Variants in PLPP1 observed in about 807,000 individuals in gnomAD.
PLPP1 encodes phospholipid phosphatase 1.
PLPP1 carries 24 observed loss-of-function variants against 31.2 expected under a neutral mutation model. That is an observed-to-expected ratio of 0.77 (90% CI 0.56 to 1.08). PLPP1 has a LOEUF of 1.08. PLPP1 is among the 50% of genes least tolerant of loss of function. The pLI, the probability that PLPP1 is intolerant of heterozygous loss-of-function variation, is 0.00. For missense variants in PLPP1, 319 were observed against 342.7 expected (o/e 0.93, Z 0.55); for synonymous variants, 146 against 126.3 (o/e 1.16, Z -1.05).
At chr5:55,463,141 A>G (rs1232298349) in intron 3 of PLPP1, among the ~76,000 whole-genome samples, 7 of 152,086 alleles carry the variant, frequency 4.6e-5, no homozygotes, top group African/African-American at 1.4e-4. Flanking sequence ...CAATGAGAAC[A>G]CATGGACAGA....
At chr5:55,458,887 CAAAAAAAAAA>C (rs529067608) in intron 3 of PLPP1, among the ~76,000 whole-genome samples, 41 of 21,110 alleles carry the variant, frequency 1.9e-3, no homozygotes, top group East Asian at 2.3e-3. Flanking sequence ...ACCCTGTCTC[CAAAAAAAAAA>C]AAAAAAAAAA....
At chr5:55,448,824 A>G (rs760917936) in intron 3 of PLPP1, among the ~76,000 whole-genome samples, 1 of 152,158 alleles carries the variant, frequency 6.6e-6, no homozygotes, top group African/African-American at 2.4e-5. Flanking sequence ...TTCCAAGGAT[A>G]CCAAAATCCA....
Position 55,445,216 on chromosome 5 carries a change from T to G in PLPP1, c.492-3308A>C, listed in dbSNP as rs532865142. Among the ~76,000 whole-genome samples, 10 of 152,232 alleles carry G rather than the reference T, an allele frequency of 6.6e-5. No individual in the cohort carries two copies. In the South Asian group the frequency reaches 2.1e-3, roughly 32 times the overall value. On this transcript the variant is annotated intron_variant, in intron 3 of 5. Transcript: ENST00000307259. Reference sequence around the variant, plus strand: ...ATCCGCCTGCCCCCATGCATGTGAGTTCCCTCCTCGACTGAGCATTCTTCT... The same window carrying G: ...ATCCGCCTGCCCCCATGCATGTGAGGTCCCTCCTCGACTGAGCATTCTTCT...
Position 55,534,883 on chromosome 5 carries a change from G to C in PLPP1, c.-254C>G. The C allele has an allele frequency of 4.1e-6, 2 of 490,932 alleles. No individual in the cohort carries two copies. Among genetic ancestry groups the C allele is most frequent in the Middle Eastern group, 5.3e-4 (1 of 1,874 alleles). The allele number at this position is 490,932 out of a possible 1,614,324, so 30.4% of individuals were successfully genotyped here. Reference sequence around the variant, plus strand: ...GCCGAGGCGCTCGTGTGCCAGCCGCGGCAGCTCTGTAGCCTCAGGACCTCC... The same window carrying C: ...GCCGAGGCGCTCGTGTGCCAGCCGCCGCAGCTCTGTAGCCTCAGGACCTCC... On this transcript the variant is annotated 5_prime_UTR_variant, in exon 1 of 6. Transcript: ENST00000307259.
chr5:55,457,753 G>C (rs1752051788), intron 3 of PLPP1, among the ~76,000 whole-genome samples: 1 of 152,186 alleles, frequency 6.6e-6, no homozygotes, highest in South Asian at 2.1e-4. Context: ...GCTGGACGTG[G>C]TGGCGGGCGC....
At chr5:55,524,048 TAATA>T (rs1269722004) in intron 1 of PLPP1, among the ~76,000 whole-genome samples, 4 of 152,208 alleles carry the variant, frequency 2.6e-5, no homozygotes, top group African/African-American at 9.6e-5. Context: ...AATGTCTGCT[TAATA>T]AATAAATAAA....
chr5:55,425,088 G>A lies in PLPP1; in HGVS notation c.*118C>T. 1 of 1,316,052 alleles carries A rather than the reference G, an allele frequency of 7.6e-7. No homozygotes were observed. 81.5% of individuals were successfully genotyped at this position (1,316,052 alleles called of 1,614,324 possible). On this transcript the variant is annotated 3_prime_UTR_variant, in exon 6 of 6. Transcript: ENST00000307259. ...ACAAAGTGTGCATCCAAGAGGCATA[G>A]CAGCAGCAGAAGTCTTTAAAGGCTT...
intron 1 of PLPP1, among the ~76,000 whole-genome samples, chr5:55,494,656 C>A (rs1390467087): frequency 6.6e-6 from 1 of 152,154 alleles, no homozygotes; most frequent in Non-Finnish European, 1.5e-5. Context: ...GTTGCTCTCT[C>A]ATTTCTCCTT....
intron 3 of PLPP1, among the ~76,000 whole-genome samples, chr5:55,447,687 T>C (rs1751798168): frequency 6.6e-6 from 1 of 152,230 alleles, no homozygotes; most frequent in African/African-American, 2.4e-5. Flanking sequence ...TCCTGCCATC[T>C]CCAGGCAGGG....
chr5:55,500,300 T>C (rs1004635018), intron 1 of PLPP1, among the ~76,000 whole-genome samples: 1 of 152,040 alleles, frequency 6.6e-6, no homozygotes, highest in Non-Finnish European at 1.5e-5. Context: ...AGGATGGTCT[T>C]GATCTCCTGA....
At chr5:55,434,382 C>A (rs760147483) in intron 4 of PLPP1, among the ~76,000 whole-genome samples, 8 of 151,744 alleles carry the variant, frequency 5.3e-5, no homozygotes, top group Non-Finnish European at 1.0e-4. Context: ...TTTAATGCAA[C>A]CCCTGTCAAA....
At chr5:55,426,633 CCTCGT>C (rs1751204754) in intron 4 of PLPP1, among the ~76,000 whole-genome samples, 1 of 151,860 alleles carries the variant, frequency 6.6e-6, no homozygotes, top group South Asian at 2.1e-4. Flanking sequence ...GTCTCAAACT[CCTCGT>C]CTCAAGTAAC....
intron 5 of PLPP1, 49 bp downstream of exon 5, chr5:55,425,814 A>C (rs230750): frequency 0.9 from 1,291,663 of 1,440,352 alleles, 580,777 homozygotes; most frequent in Admixed American, 0.93. Flanking sequence ...ATTTACTTAT[A>C]TAAATGTTTA....
chr5:55,492,137 T>G (rs538139736), intron 1 of PLPP1, among the ~76,000 whole-genome samples: 1 of 152,238 alleles, frequency 6.6e-6, no homozygotes, highest in East Asian at 1.9e-4. Flanking sequence ...ATATTCAAAT[T>G]TACCATGCTT....
intron 1 of PLPP1, among the ~76,000 whole-genome samples, chr5:55,526,178 T>C (rs1740427511): frequency 6.6e-6 from 1 of 152,100 alleles, no homozygotes; most frequent in African/African-American, 2.4e-5. Context: ...ATTGGAAAGT[T>C]TGGTAGAGCT....
At chr5:55,426,291 C>T (rs927036915) in intron 4 of PLPP1, among the ~76,000 whole-genome samples, 3 of 152,154 alleles carry the variant, frequency 2.0e-5, no homozygotes, top group African/African-American at 7.2e-5. Flanking sequence ...TGTATACAAA[C>T]AGGTGTTTCC....
At chr5:55,433,837 A>G (rs949399311) in intron 4 of PLPP1, among the ~76,000 whole-genome samples, 2 of 151,834 alleles carry the variant, frequency 1.3e-5, no homozygotes, top group African/African-American at 4.8e-5. Context: ...ATTAGCAGAG[A>G]AAGAAATCAA....
At chr5:55,451,090 A>G (rs1220506374) in intron 3 of PLPP1, among the ~76,000 whole-genome samples, 1 of 152,190 alleles carries the variant, frequency 6.6e-6, no homozygotes, top group Non-Finnish European at 1.5e-5. Context: ...CCTCCTGCAG[A>G]TAATGAAATC....
chr5:55,472,666 G>GAGAA (rs1554039099), intron 2 of PLPP1, among the ~76,000 whole-genome samples: 5 of 146,852 alleles, frequency 3.4e-5, no homozygotes, highest in Admixed American at 6.8e-5. Flanking sequence ...AAGAGAGAGA[G>GAGAA]AGACAGAAAG....
Sources: gnomAD v4.1 joint callset for allele counts (sites outside exome capture counted in the v4.1 genomes callset) on GRCh38, gnomAD v4.1.1 for gene constraint, MANE v1.5 for transcripts, NCBI Gene and HGNC (gene_info 2026-07-23, HGNC 2026-07-21) for gene names.